CACNB4: variants seen among roughly 807,000 people sequenced by gnomAD.
CACNB4 encodes the protein voltage-dependent L-type calcium channel subunit beta-4.
Under a neutral mutation model 71.2 loss-of-function variants are expected in CACNB4, and 32 were observed. That is an observed-to-expected ratio of 0.45 (90% CI 0.34 to 0.60). The LOEUF (loss-of-function observed/expected upper bound fraction) is 0.60, where lower values mean the gene tolerates loss of function less well. CACNB4 is among the 20% of genes least tolerant of loss of function. CACNB4 has a pLI of 0.01. For synonymous variants in CACNB4, 231 were observed against 236.9 expected (o/e 0.97, Z 0.23); for missense variants, 464 against 647.9 (o/e 0.72, Z 3.08).
rs945147173 is a variant in CACNB4, at chr2:152,098,524, A to G, written c.64-111T>C. 12 of 1,355,408 alleles carry G rather than the reference A, an allele frequency of 8.9e-6. No individual in the cohort carries two copies. The African/African-American group carries it at 1.6e-4, about 18-fold the overall frequency. The allele number at this position is 1,355,408 out of a possible 1,614,324, so 84.0% of individuals were successfully genotyped here. A position where few individuals can be genotyped will look rare whatever the true frequency, so the allele number is the denominator to read the frequency against. On this transcript the variant is annotated intron_variant, in intron 1 of 13. Transcript: ENST00000539935. This position sits in a 1 kb window ranked among gnomAD's most constrained non-coding sequence, Gnocchi z 5.3. ...CCGGACCCGCTCCCTGGGGTCCCCT[A>G]GAGCCCGCACCCAAGTCTCCTCCGC...
intron 2 of CACNB4, chr2:151,973,953 C>G (rs2099873291): frequency 7.9e-7 from 1 of 1,259,216 alleles, no homozygotes; most frequent in Non-Finnish European, 1.0e-6. Flanking sequence ...AAAGCAAAAC[C>G]CTTCCTCAAC....
At chr2:151,996,420 T>G (rs1201842231) in intron 2 of CACNB4, among the ~76,000 whole-genome samples, 2 of 149,224 alleles carry the variant, frequency 1.3e-5, no homozygotes, top group Admixed American at 1.4e-4. Context: ...GGGGCTGCAG[T>G]GAGCTGTGAT....
In CACNB4 at chr2:151,853,287, A is replaced by G. The variant is rs111368327; in HGVS notation, c.1116+161T>C. Reference sequence around the variant, plus strand: ...ACCATCCACATCTGGATGCCTGAATACAAGCAACATAACAGCAGCAGTTTG... The same window carrying G: ...ACCATCCACATCTGGATGCCTGAATGCAAGCAACATAACAGCAGCAGTTTG... On this transcript the variant is annotated intron_variant, in intron 12 of 13. Transcript: ENST00000539935. The G allele has an allele frequency of 5.4e-3, 2,931 of 545,608 alleles. 62 individuals are homozygous for G. The highest frequency in any genetic ancestry group is 0.049 in the African/African-American group (2,501 of 50,652). The allele number at this position is 545,608 out of a possible 1,614,324, so 33.8% of individuals were successfully genotyped here. A position where few individuals can be genotyped will look rare whatever the true frequency, so the allele number is the denominator to read the frequency against.
intron 2 of CACNB4, among the ~76,000 whole-genome samples, chr2:151,990,743 G>A (rs1681662159): frequency 6.6e-6 from 1 of 152,154 alleles, no homozygotes; most frequent in Admixed American, 6.5e-5. Context: ...TCAACTGAGT[G>A]AGCAAACAGG....
At chr2:151,970,971 G>A (rs112061625) in intron 2 of CACNB4, 486 of 148,122 alleles carry the variant, frequency 3.3e-3, no homozygotes, top group Middle Eastern at 0.021. Context: ...CAGCCTGGGC[G>A]ACAGAGCGAG....
chr2:152,011,252 C>G lies in CACNB4; in HGVS notation c.147+87078G>C, dbSNP rs765243395. Among the ~76,000 whole-genome samples the G allele has an allele frequency of 1.1e-4, 17 of 152,278 alleles. No homozygotes were observed. The Middle Eastern group carries it at 0.01, about 91-fold the overall frequency. ...TAACTGAAACTCCAGGCTCAGTTAT[C>G]TGGTATAGAACCCTCCAGTAACCCC... On this transcript the variant is annotated intron_variant, in intron 2 of 13. Coordinates refer to ENST00000539935, the MANE Select transcript of CACNB4 (RefSeq NM_000726.5).
chr2:151,875,980 C>A (rs1578581523), intron 5 of CACNB4, among the ~76,000 whole-genome samples: 2 of 142,618 alleles, frequency 1.4e-5, no homozygotes, highest in Non-Finnish European at 3.1e-5. Context: ...GGGCTGACTC[C>A]CCCACCTCCC....
intron 2 of CACNB4, among the ~76,000 whole-genome samples, chr2:151,890,465 G>A (rs1185011063): frequency 6.6e-6 from 1 of 152,116 alleles, no homozygotes; most frequent in Non-Finnish European, 1.5e-5. Context: ...CACCCTGTAC[G>A]GATGAGGCAT....
intron 12 of CACNB4, among the ~76,000 whole-genome samples, chr2:151,845,098 TCTA>T (rs1200311831): frequency 6.6e-6 from 1 of 152,236 alleles, no homozygotes; most frequent in Non-Finnish European, 1.5e-5. Context: ...ACTTGGCCGT[TCTA>T]CTTGTTACAT....
intron 2 of CACNB4, among the ~76,000 whole-genome samples, chr2:151,899,505 T>C (rs975312554): frequency 6.6e-5 from 10 of 152,322 alleles, no homozygotes; most frequent in African/African-American, 2.2e-4. Flanking sequence ...CTTTGCAGCT[T>C]TCTGTACACA....
intron 2 of CACNB4, among the ~76,000 whole-genome samples, chr2:152,053,522 AT>A (rs200394309): frequency 0.19 from 26,005 of 137,798 alleles, 2,166 homozygotes; most frequent in Middle Eastern, 0.33. Flanking sequence ...TGCTCTAGGA[AT>A]TTTTTTTTTT....
Position 151,880,866 on chromosome 2 carries a change from G to A in CACNB4, c.324C>T (p.Asp108=), listed in dbSNP as rs147647355. 521 of 1,613,646 alleles carry A rather than the reference G, an allele frequency of 3.2e-4. 2 individuals are homozygous for A. In the African/African-American group the frequency reaches 6.1e-3, roughly 19 times the overall value. Residue 108 remains aspartate, a synonymous_variant, in exon 4 of 14, where the codon GAC becomes GAT. Transcript: ENST00000539935. ...CTGTGCTTGGAACAGGCACATCCTC[G>A]TCCAGGGCGCCGCAGTAGCTCACAT... ...KTNVSYCGAL[D]EDVPVPSTAI... is the part of the protein sequence containing the mutation.
chr2:151,842,117 T>C (rs1559848762), intron 12 of CACNB4, 29 bp from the exon 13 acceptor site: 1 of 1,601,372 alleles, frequency 6.2e-7, no homozygotes, highest in East Asian at 2.2e-5. Flanking sequence ...TCCACTTTAC[T>C]TCCATTTTAG....
intron 2 of CACNB4, among the ~76,000 whole-genome samples, chr2:152,076,473 T>C (rs1337770240): frequency 1.3e-5 from 2 of 152,128 alleles, no homozygotes; most frequent in African/African-American, 4.8e-5. Context: ...CTTTTCATTT[T>C]TGTCCATGCA....
intron 2 of CACNB4, among the ~76,000 whole-genome samples, chr2:152,009,749 G>A (rs547705411): frequency 5.8e-4 from 89 of 152,304 alleles, no homozygotes; most frequent in African/African-American, 2.1e-3. Flanking sequence ...TTGTAGCTCT[G>A]AGGAAAGACG....
At chr2:152,086,878 C>T (rs904854833) in intron 2 of CACNB4, among the ~76,000 whole-genome samples, 2 of 152,168 alleles carry the variant, frequency 1.3e-5, no homozygotes, top group Admixed American at 6.5e-5. Flanking sequence ...CGCCTATAAT[C>T]CCAACACTTT....
intron 2 of CACNB4, among the ~76,000 whole-genome samples, chr2:151,945,875 TAAAA>T (rs34099714): frequency 4.4e-5 from 6 of 135,102 alleles, no homozygotes; most frequent in Non-Finnish European, 6.3e-5. Context: ...ACCCTGTCTT[TAAAA>T]AAAAAAAAAA....
intron 2 of CACNB4, among the ~76,000 whole-genome samples, chr2:152,064,192 G>C (rs1312853518): frequency 6.6e-6 from 1 of 152,186 alleles, no homozygotes; most frequent in Non-Finnish European, 1.5e-5. Context: ...CATTGTTGAA[G>C]TGCATGAAGG....
intron 3 of CACNB4, among the ~76,000 whole-genome samples, chr2:151,881,307 A>G (rs891393304): frequency 6.8e-6 from 1 of 146,064 alleles, no homozygotes; most frequent in African/African-American, 2.5e-5. Flanking sequence ...TTTTAAAAAG[A>G]AAAAAAAAAA....
Sources: allele counts gnomAD v4.1 joint callset (sites outside exome capture counted in the v4.1 genomes callset), GRCh38; gene constraint gnomAD v4.1.1; non-coding constraint Gnocchi (gnomAD v3.1); transcripts MANE v1.5; gene names NCBI Gene and HGNC (gene_info 2026-07-23, HGNC 2026-07-21).